Variants in STAMBP observed in about 807,000 individuals in gnomAD.
STAMBP encodes STAM-binding protein.
Under a neutral mutation model 50.7 loss-of-function variants are expected in STAMBP, and 31 were observed. The ratio of observed to expected loss-of-function variants is 0.61; its 90% CI spans 0.46 to 0.83. The LOEUF is 0.83. Ranked by LOEUF, STAMBP falls within the 40% of genes least tolerant of loss-of-function variation. The pLI, the probability that STAMBP is intolerant of heterozygous loss-of-function variation, is 0.00. For synonymous variants in STAMBP, 211 were observed against 192.4 expected, an observed-to-expected ratio of 1.10 and a Z score of -0.80; for missense variants, 472 against 518.9, an observed-to-expected ratio of 0.91 and a Z score of 0.88.
intron 2 of STAMBP, among the ~76,000 whole-genome samples, chr2:73,838,142 C>A (rs910852678): frequency 6.6e-6 from 1 of 152,102 alleles, no homozygotes; most frequent in African/African-American, 2.4e-5. Flanking sequence ...AAAGTGGAGG[C>A]AAAGGGTATA....
At position 73,835,353 on chromosome 2, in the gene STAMBP, C is replaced by CAA. The variant is rs71406834; in HGVS notation, c.203+4311_203+4312dup. On this transcript the variant is annotated intron_variant, in intron 2 of 9. Coordinates refer to ENST00000394070, the MANE Select transcript of STAMBP (RefSeq NM_213622.4). ...TGGGTGATAGAGCGAGACTCGGTCT[C>CAA]AAAAAAAAAAAAAAAAAAGAGATGT... Among the ~76,000 whole-genome samples, 256 of 87,322 alleles carry CAA rather than the reference C, an allele frequency of 2.9e-3. 6 individuals are homozygous for CAA. The highest frequency in any genetic ancestry group is 6.0e-3 in the East Asian group (20 of 3,350). 57.3% of individuals were successfully genotyped at this position (87,322 alleles called of 152,430 possible).
chr2:73,872,954 A>T (rs1679257902), intron 10 of STAMBP, among the ~76,000 whole-genome samples: 1 of 152,234 alleles, frequency 6.6e-6, no homozygotes, highest in Admixed American at 6.5e-5. Context: ...TGTAATAAAT[A>T]ATTTGCATAA....
At chr2:73,831,158 C>T in intron 2 of STAMBP, 99 bp downstream of exon 2, 3 of 972,568 alleles carry the variant, frequency 3.1e-6, no homozygotes, top group Middle Eastern at 2.2e-4. Flanking sequence ...ATATCATCAA[C>T]ATTAATCATT....
At chr2:73,836,081 A>G (rs1002392302) in intron 2 of STAMBP, among the ~76,000 whole-genome samples, 6 of 152,178 alleles carry the variant, frequency 3.9e-5, no homozygotes, top group Non-Finnish European at 7.3e-5. Context: ...ATACGCCTTT[A>G]GAGATTTTTA....
intron 8 of STAMBP, 109 bp downstream of exon 8, chr2:73,859,475 AT>A (rs1678020209): frequency 6.0e-6 from 5 of 836,474 alleles, no homozygotes; most frequent in Non-Finnish European, 1.0e-5. Flanking sequence ...AAATACATAG[AT>A]TATAATGTAA....
chr2:73,854,649 T>C (rs979991309), intron 7 of STAMBP, among the ~76,000 whole-genome samples: 1 of 152,068 alleles, frequency 6.6e-6, no homozygotes, highest in Admixed American at 6.6e-5. Context: ...CTAGTTCAGC[T>C]TTTTTTCCTC....
rs1375479537 is a variant in STAMBP at position 73,850,426 on chromosome 2, T to C, written c.918T>C (p.Ala306=). Residue 306 remains alanine, a synonymous_variant, in exon 7 of 10, where the codon GCT becomes GCC. Transcript: ENST00000394070. The surrounding 1 kb of genome is among the most constrained non-coding windows in gnomAD (Gnocchi z 4.3). ...ATGTTCTCATCCCCAAGCAAAGTGC[T>C]GGGTCTGATTACTGCAACACAGAGA... ...ITHVLIPKQS[A]GSDYCNTENE... 3.7e-6 allele frequency: 6 copies of C among 1,613,798 alleles called. No homozygotes were observed. The highest frequency in any genetic ancestry group is 1.7e-5 in the Admixed American group (1 of 59,950).
intron 2 of STAMBP, among the ~76,000 whole-genome samples, chr2:73,835,312 G>A (rs551617903): frequency 6.7e-6 from 1 of 148,406 alleles, no homozygotes; most frequent in East Asian, 2.0e-4. Context: ...CAAGATCGCG[G>A]CACTGCACTC....
rs538274051 is a variant in STAMBP at position 73,835,535 on chromosome 2, G to A, written c.203+4476G>A. The stretch of plus-strand genomic sequence containing the variant: ...TTGTGTGGTAAATGGTGGAGCAAGC[G>A]TTAAGAGAAGGCAGGGAGAGTAGTT... On this transcript the variant is annotated intron_variant, in intron 2 of 9. Coordinates refer to ENST00000394070, the MANE Select transcript of STAMBP (RefSeq NM_213622.4). 1.4e-4 allele frequency among the ~76,000 whole-genome samples: 21 copies of A among 152,180 alleles called. 1 individual carries two copies. In the South Asian group the frequency reaches 1.9e-3, roughly 14 times the overall value.
At chr2:73,858,198 G>A (rs1248195570) in intron 7 of STAMBP, among the ~76,000 whole-genome samples, 2 of 126,936 alleles carry the variant, frequency 1.6e-5, no homozygotes, top group Non-Finnish European at 3.2e-5. Context: ...TAGAGACAGG[G>A]TTTCACCATG....
intron 7 of STAMBP, among the ~76,000 whole-genome samples, chr2:73,852,907 A>C (rs1573359799): frequency 8.7e-6 from 1 of 115,424 alleles, no homozygotes; most frequent in Non-Finnish European, 1.8e-5. Flanking sequence ...GGGTTTCACT[A>C]TGTTGGCCAG....
intron 5 of STAMBP, among the ~76,000 whole-genome samples, chr2:73,848,215 T>C (rs1222728443): frequency 1.3e-5 from 2 of 152,150 alleles, no homozygotes; most frequent in Non-Finnish European, 2.9e-5. Flanking sequence ...TTCCTAACTT[T>C]AGCTTGCTGG....
At position 73,865,195 on chromosome 2, in the gene STAMBP, A is replaced by G. The variant is rs1256594282; in HGVS notation, c.*2936A>G. The G allele has an allele frequency of 1.3e-5, 2 of 152,210 alleles. No individual in the cohort carries two copies. The highest frequency in any genetic ancestry group is 4.8e-5 in the African/African-American group (2 of 41,452). The allele number at this position is 152,210 out of a possible 1,614,324, so 9.4% of individuals were successfully genotyped here. On this transcript the variant is annotated 3_prime_UTR_variant, in exon 10 of 10. Transcript: ENST00000394070. ...ATTTTTCATATTGGGGTTGAGAAGA[A>G]TGGAGGCTATTAGGAGCAAAGCTTT...
intron 5 of STAMBP, 130 bp from the exon 6 acceptor site, chr2:73,849,233 C>T: frequency 2.2e-6 from 3 of 1,356,006 alleles, no homozygotes; most frequent in East Asian, 2.3e-5. Flanking sequence ...AGAATGAGAT[C>T]CCTACTCACT....
At chr2:73,859,186 A>T in intron 7 of STAMBP, 68 bp from the exon 8 acceptor site, 2 of 1,261,456 alleles carry the variant, frequency 1.6e-6, no homozygotes, top group Non-Finnish European at 2.3e-6. Flanking sequence ...TCAGAAAGGG[A>T]ATCGCAAATA....
At chr2:73,840,566 A>T (rs535216521) in intron 2 of STAMBP, among the ~76,000 whole-genome samples, 32 of 151,808 alleles carry the variant, frequency 2.1e-4, no homozygotes, top group Admixed American at 5.9e-4. Flanking sequence ...CAACATGGCG[A>T]AACCCCATCT....
chr2:73,848,239 T>A (rs1257784560), intron 5 of STAMBP, among the ~76,000 whole-genome samples: 1 of 152,056 alleles, frequency 6.6e-6, no homozygotes, highest in Non-Finnish European at 1.5e-5. Context: ...TCTCACAGAG[T>A]TTCTCCATGG....
At chr2:73,862,172 A>G in intron 9 of STAMBP, 31 bp from the exon 10 acceptor site, 1 of 1,576,858 alleles carries the variant, frequency 6.3e-7, no homozygotes, top group South Asian at 1.2e-5. Context: ...AGAATTTTCT[A>G]GGACTCCACC....
intron 2 of STAMBP, among the ~76,000 whole-genome samples, chr2:73,832,053 T>C (rs1052554070): frequency 1.4e-5 from 2 of 148,024 alleles, no homozygotes; most frequent in Non-Finnish European, 3.0e-5. Context: ...TTTTTTGTTA[T>C]TTATTTTACT....
Sources: allele counts gnomAD v4.1 joint callset (sites outside exome capture counted in the v4.1 genomes callset), GRCh38; gene constraint gnomAD v4.1.1; non-coding constraint Gnocchi (gnomAD v3.1); transcripts MANE v1.5; gene names NCBI Gene and HGNC (gene_info 2026-07-23, HGNC 2026-07-21).